FBXO16: variants seen among roughly 807,000 people sequenced by gnomAD.
FBXO16 encodes the protein F-box only protein 16.
In FBXO16, 31 loss-of-function variants were observed where a neutral mutation model predicts 41.0. That is an observed-to-expected ratio of 0.76 (90% CI 0.57 to 1.02). FBXO16 has a LOEUF of 1.02. Ranked by LOEUF, FBXO16 falls within the 50% of genes least tolerant of loss-of-function variation. The probability of loss-of-function intolerance (pLI) is 0.00; values close to 1 mark genes in which losing one functional copy is unlikely to be tolerated. For missense variants in FBXO16, 361 were observed against 346.2 expected, an observed-to-expected ratio of 1.04 and a Z score of -0.34; for synonymous variants, 133 against 117.8, an observed-to-expected ratio of 1.13 and a Z score of -0.84.
intron 3 of FBXO16, among the ~76,000 whole-genome samples, chr8:28,467,282 T>C (rs1032293834): frequency 1.3e-5 from 2 of 152,110 alleles, no homozygotes; most frequent in African/African-American, 4.8e-5. Flanking sequence ...CCGTAATATA[T>C]CAACATGATA....
chr8:28,453,639 A>G (rs1183056860), intron 5 of FBXO16, among the ~76,000 whole-genome samples: 2 of 151,898 alleles, frequency 1.3e-5, no homozygotes, highest in African/African-American at 2.4e-5. Context: ...GTTTGCTTCC[A>G]TTGCTGGTGA....
chr8:28,451,370 CTT>C (rs1393477136), intron 6 of FBXO16, among the ~76,000 whole-genome samples: 2 of 140,442 alleles, frequency 1.4e-5, no homozygotes, highest in African/African-American at 5.4e-5. Flanking sequence ...CTTTCTGTCT[CTT>C]TGTTGTTGTT....
chr8:28,464,550 TCTTTTCTTCC>T (rs1803200553), intron 3 of FBXO16, among the ~76,000 whole-genome samples: 1 of 152,258 alleles, frequency 6.6e-6, no homozygotes, highest in South Asian at 2.1e-4. Context: ...AGTCTTAATC[TCTTTTCTTCC>T]CTGGCCCATT....
intron 3 of FBXO16, among the ~76,000 whole-genome samples, chr8:28,466,069 G>A (rs575594129): frequency 1.7e-4 from 26 of 152,116 alleles, no homozygotes; most frequent in South Asian, 4.2e-4. Context: ...GAGAAACCCC[G>A]TCTCTACTGA....
chr8:28,444,654 T>G (rs1054451490), intron 7 of FBXO16, among the ~76,000 whole-genome samples: 1 of 129,356 alleles, frequency 7.7e-6, no homozygotes, highest in Non-Finnish European at 1.5e-5. Context: ...ATTTTTTGTA[T>G]TTTTTTTAGT....
At chr8:28,478,746 T>G (rs2130192729) in intron 2 of FBXO16, among the ~76,000 whole-genome samples, 2 of 145,558 alleles carry the variant, frequency 1.4e-5, no homozygotes, top group East Asian at 4.0e-4. Context: ...TCGCTTGAAC[T>G]GGGAGGCAGA....
chr8:28,483,065 A>G (rs1803541286), intron 2 of FBXO16, among the ~76,000 whole-genome samples: 1 of 152,144 alleles, frequency 6.6e-6, no homozygotes, highest in Non-Finnish European at 1.5e-5. Context: ...GGGGAGAACA[A>G]GTGATGGAAG....
chr8:28,485,222 C>A (rs867164910), intron 1 of FBXO16, among the ~76,000 whole-genome samples: 15 of 152,040 alleles, frequency 9.9e-5, no homozygotes, highest in African/African-American at 2.7e-4. Flanking sequence ...TCCCAGGCTG[C>A]CGTACAGTGG....
chr8:28,452,308 G>C lies in FBXO16; in HGVS notation c.676C>G (p.Pro226Ala), dbSNP rs756753083. The C allele has an allele frequency of 2.5e-6, 4 of 1,614,152 alleles. No homozygotes were observed. The highest frequency in any genetic ancestry group is 3.4e-6 in the Non-Finnish European group (4 of 1,180,046). Residue 226 changes from proline to alanine, a missense_variant, in exon 6 of 9, where the codon CCA (proline) becomes GCA (alanine). By Grantham distance (27) the Pro-to-Ala change is conservative. Coordinates refer to ENST00000380254, the MANE Select transcript of FBXO16 (RefSeq NM_172366.4). ...LPPWRSSDKH[P>A]TDIIRFNYLD... ...TAATTAAAACGAATGATATCTGTTG[G>C]GTGCTTATCAGAAGATCGCCAGGGT...
intron 6 of FBXO16, among the ~76,000 whole-genome samples, chr8:28,448,378 GA>G (rs1802900964): frequency 2.9e-5 from 4 of 138,036 alleles, no homozygotes; most frequent in Admixed American, 1.4e-4. Flanking sequence ...AGAAAGAAAA[GA>G]AAAAAAAGGA....
At chr8:28,443,916 C>T (rs760529851) in intron 7 of FBXO16, among the ~76,000 whole-genome samples, 5 of 152,202 alleles carry the variant, frequency 3.3e-5, no homozygotes, top group African/African-American at 9.7e-5. Flanking sequence ...AAGCGGGAGA[C>T]ATGAATAATC....
chr8:28,466,270 C>T (rs1803238065), intron 3 of FBXO16, among the ~76,000 whole-genome samples: 2 of 152,098 alleles, frequency 1.3e-5, no homozygotes, highest in Admixed American at 6.6e-5. Context: ...AGTAGAATAA[C>T]AGTAGAAATA....
intron 3 of FBXO16, among the ~76,000 whole-genome samples, chr8:28,473,552 G>A (rs7007215): frequency 6.6e-6 from 1 of 152,102 alleles, no homozygotes; most frequent in South Asian, 2.1e-4. Flanking sequence ...TCTATGAAGA[G>A]AGGCCTCAGC....
At chr8:28,433,019 C>T (rs1216324620) in intron 7 of FBXO16, among the ~76,000 whole-genome samples, 1 of 151,688 alleles carries the variant, frequency 6.6e-6, no homozygotes, top group African/African-American at 2.4e-5. Flanking sequence ...CGAGATTGCA[C>T]CACTGCACTC....
At chr8:28,481,534 G>A (rs1365071393) in intron 2 of FBXO16, among the ~76,000 whole-genome samples, 1 of 150,546 alleles carries the variant, frequency 6.6e-6, no homozygotes, top group Non-Finnish European at 1.5e-5. Context: ...CATTCGTGGC[G>A]AGTGCGGTGG....
chr8:28,463,144 G>C, intron 4 of FBXO16, among the ~76,000 whole-genome samples: 1 of 150,720 alleles, frequency 6.6e-6, no homozygotes, highest in Non-Finnish European at 1.5e-5. Flanking sequence ...TTGTGTGTGT[G>C]TGTATGTTTG....
chr8:28,428,664 G>A lies in FBXO16; in HGVS notation c.*63C>T, dbSNP rs1488577597. The A allele has an allele frequency of 2.6e-6, 4 of 1,566,168 alleles. 1 individual carries two copies. Among genetic ancestry groups the A allele is most frequent in the Admixed American group, 3.8e-5 (2 of 52,962 alleles). On this transcript the variant is annotated 3_prime_UTR_variant, in exon 9 of 9. Transcript: ENST00000380254. ...TCAGCTGTGGTGGCAGTGTCTGGGA[G>A]TCCCACTGACTCAGGGGGAGGCCAG...
intron 7 of FBXO16, among the ~76,000 whole-genome samples, chr8:28,430,572 C>A (rs1048550643): frequency 6.6e-6 from 1 of 152,036 alleles, no homozygotes; most frequent in African/African-American, 2.4e-5. Flanking sequence ...GTTTAAGGTC[C>A]CTGTAGCAGA....
chr8:28,485,971 G>T (rs1803595068), intron 1 of FBXO16, among the ~76,000 whole-genome samples: 2 of 151,788 alleles, frequency 1.3e-5, no homozygotes, highest in African/African-American at 4.8e-5. Context: ...ATCTGGGCAT[G>T]GTGGCCCACC....
Sources: allele counts gnomAD v4.1 joint callset (sites outside exome capture counted in the v4.1 genomes callset), GRCh38; gene constraint gnomAD v4.1.1; transcripts MANE v1.5; gene names NCBI Gene and HGNC (gene_info 2026-07-23, HGNC 2026-07-21).